Variants in MMP24 observed in about 807,000 individuals in gnomAD.
The protein encoded by MMP24 is matrix metalloproteinase-24.
In MMP24, 25 loss-of-function variants were observed where a neutral mutation model predicts 62.8. The observed-to-expected ratio is 0.40, with a 90% CI of 0.29 to 0.56. The LOEUF (loss-of-function observed/expected upper bound fraction) is 0.56, where lower values mean the gene tolerates loss of function less well. Among genes scored for constraint, MMP24 ranks in the 20% least tolerant of loss-of-function variants. The probability of loss-of-function intolerance (pLI) is 0.50; values close to 1 mark genes in which losing one functional copy is unlikely to be tolerated. For missense variants in MMP24, 634 were observed against 853.6 expected, an observed-to-expected ratio of 0.74 and a Z score of 3.21; for synonymous variants, 319 against 350.5, an observed-to-expected ratio of 0.91 and a Z score of 1.00.
intron 2 of MMP24, among the ~76,000 whole-genome samples, chr20:35,247,778 G>T (rs1229448111): frequency 2.0e-5 from 3 of 152,238 alleles, no homozygotes; most frequent in African/African-American, 7.2e-5. Context: ...GCTGAAAGTT[G>T]TCTGCTGGGT....
At chr20:35,246,432 G>T (rs920110230) in intron 1 of MMP24, among the ~76,000 whole-genome samples, 1 of 152,184 alleles carries the variant, frequency 6.6e-6, no homozygotes, top group Admixed American at 6.5e-5. Flanking sequence ...AGCTGAGATT[G>T]TGTCACTGCA....
At chr20:35,247,661 C>T (rs866641249) in intron 2 of MMP24, among the ~76,000 whole-genome samples, 6 of 152,274 alleles carry the variant, frequency 3.9e-5, no homozygotes, top group South Asian at 2.1e-4. Context: ...AAGGGGCAGC[C>T]GGAGGGCAAG....
At chr20:35,244,120 C>T (rs1453254919) in intron 1 of MMP24, among the ~76,000 whole-genome samples, 1 of 152,152 alleles carries the variant, frequency 6.6e-6, no homozygotes, top group Non-Finnish European at 1.5e-5. Flanking sequence ...AAAACTGTTT[C>T]ATTTGACTTA....
intron 1 of MMP24, 79 bp downstream of exon 1, chr20:35,227,063 G>T: frequency 1.0e-6 from 1 of 965,336 alleles, no homozygotes; most frequent in Non-Finnish European, 1.2e-6. Flanking sequence ...GACGGGCCTG[G>T]GCCGGGCCGC....
intron 2 of MMP24, among the ~76,000 whole-genome samples, chr20:35,247,303 A>G (rs945576037): frequency 1.7e-4 from 26 of 152,120 alleles, no homozygotes; most frequent in African/African-American, 4.6e-4. Context: ...TAATTTATCT[A>G]TGGGTCACCC....
Position 35,274,156 on chromosome 20 carries a change from C to T in MMP24, c.1601-116C>T. 1 of 1,030,430 alleles carries T rather than the reference C, an allele frequency of 9.7e-7. No individual in the cohort carries two copies. Among genetic ancestry groups the T allele is most frequent in the Non-Finnish European group, 1.4e-6 (1 of 705,478 alleles). 63.8% of individuals were successfully genotyped at this position (1,030,430 alleles called of 1,614,324 possible). On this transcript the variant is annotated intron_variant, in intron 8 of 8. Coordinates refer to ENST00000246186, the MANE Select transcript of MMP24 (RefSeq NM_006690.4). This position sits in a 1 kb window ranked among gnomAD's most constrained non-coding sequence, Gnocchi z 5.1. The stretch of plus-strand genomic sequence containing the variant: ...CAGCCAAGCACTGCACCCCAAACCT[C>T]CAGGTGTGCCCACCTTGCCTCCCTT...
intron 1 of MMP24, among the ~76,000 whole-genome samples, chr20:35,245,818 A>T (rs1180751197): frequency 1.3e-5 from 2 of 152,056 alleles, no homozygotes; most frequent in East Asian, 3.8e-4. Flanking sequence ...CAAAAAAAAA[A>T]AAAAAAGAAT....
rs2060708591 is a variant in MMP24, at chr20:35,276,579, C to T, written c.*1970C>T. On this transcript the variant is annotated 3_prime_UTR_variant, in exon 9 of 9. Coordinates refer to ENST00000246186, the MANE Select transcript of MMP24 (RefSeq NM_006690.4). ...GAAGTGTCTCCTGTATCCACCTCTT[C>T]CTGGCCTCCCTTCCCCCACTTCCTG... The T allele has an allele frequency of 9.8e-6, 3 of 306,984 alleles. No individual in the cohort carries two copies. Among genetic ancestry groups the T allele is most frequent in the East Asian group, 5.1e-5 (1 of 19,760 alleles). 19.0% of individuals were successfully genotyped at this position (306,984 alleles called of 1,614,324 possible).
chr20:35,267,560 A>T (rs2146237708), intron 6 of MMP24, 141 bp downstream of exon 6: 1 of 859,720 alleles, frequency 1.2e-6, no homozygotes, highest in Admixed American at 2.7e-5. Flanking sequence ...TGGCCAGGGC[A>T]TGGGGTCTCT....
chr20:35,256,547 C>T (rs1317158867), intron 4 of MMP24: 1 of 151,962 alleles, frequency 6.6e-6, no homozygotes, highest in Non-Finnish European at 1.5e-5. Context: ...TGGTGAAACC[C>T]ATCTCTACGA....
intron 5 of MMP24, among the ~76,000 whole-genome samples, chr20:35,266,590 G>A (rs1312601950): frequency 6.6e-6 from 1 of 152,108 alleles, no homozygotes; most frequent in Non-Finnish European, 1.5e-5. Flanking sequence ...CATGAGGCAG[G>A]AGGACAACCA....
intron 1 of MMP24, among the ~76,000 whole-genome samples, chr20:35,239,192 G>GT (rs2060477076): frequency 6.6e-6 from 1 of 151,750 alleles, no homozygotes; most frequent in Non-Finnish European, 1.5e-5. Flanking sequence ...GATTACAGGC[G>GT]CACGCCCGGC....
chr20:35,230,050 G>A (rs933248785), intron 1 of MMP24, among the ~76,000 whole-genome samples: 1 of 151,836 alleles, frequency 6.6e-6, no homozygotes, highest in African/African-American at 2.4e-5. Flanking sequence ...AGTGCAGTGG[G>A]GTGATCTCGG....
intron 4 of MMP24, among the ~76,000 whole-genome samples, chr20:35,262,411 T>G (rs1469733394): frequency 6.6e-6 from 1 of 151,618 alleles, no homozygotes. Context: ...TCATAGAGAA[T>G]GTAAAGGATT....
At chr20:35,252,862 G>A (rs2060554566) in intron 3 of MMP24, among the ~76,000 whole-genome samples, 1 of 146,528 alleles carries the variant, frequency 6.8e-6, no homozygotes, top group Non-Finnish European at 1.5e-5. Flanking sequence ...GGCAGGCTCA[G>A]GTGGGGCTGG....
rs947491231 is a variant in MMP24, at chr20:35,254,634, T to G, written c.697T>G (p.Ser233Ala). ...FFASGFHGDS[S>A]PFDGEGGFLA... The stretch of plus-strand genomic sequence containing the variant: ...TGCTTCTGGTTTCCATGGCGACAGC[T>G]CCCCATTTGATGGAGAAGGGGGATT... The change falls in exon 4 of 9, where the codon TCC (serine) becomes GCC (alanine). Residue 233 changes from serine to alanine, a missense_variant. Physicochemically the swap from Ser to Ala is moderately conservative, Grantham distance 99. This residue lies in a region of MMP24 where 23 missense variants were observed against 63.1 expected (regional missense o/e 0.36). Coordinates refer to ENST00000246186, the MANE Select transcript of MMP24 (RefSeq NM_006690.4). The G allele has an allele frequency of 6.2e-7, 1 of 1,614,062 alleles. No individual in the cohort carries two copies. The highest frequency in any genetic ancestry group is 1.3e-5 in the African/African-American group (1 of 74,918).
At position 35,263,795 on chromosome 20, in the gene MMP24, C is replaced by T. The variant is rs201850633; in HGVS notation, c.822C>T (p.Asn274=). 1.7e-5 allele frequency: 27 copies of T among 1,562,594 alleles called. No individual in the cohort carries two copies. The highest frequency in any genetic ancestry group is 3.9e-5 in the Admixed American group (2 of 51,870). ...WTLGNANHDG[N]DLFLVAVHEL... The stretch of plus-strand genomic sequence containing the variant: ...TCCCCACACTCCTCTCCACAGGGAA[C>T]GACCTCTTCCTGGTGGCTGTGCATG... Residue 274 remains asparagine, a synonymous_variant, in exon 5 of 9, where the codon AAC becomes AAT. Transcript: ENST00000246186.
chr20:35,253,577 C>T (rs1174126139), intron 3 of MMP24, among the ~76,000 whole-genome samples: 2 of 152,042 alleles, frequency 1.3e-5, no homozygotes, highest in African/African-American at 4.8e-5. Flanking sequence ...ATCCATGCCC[C>T]AGAGGGTCAC....
At chr20:35,257,691 G>A (rs568068201) in intron 4 of MMP24, among the ~76,000 whole-genome samples, 2 of 152,268 alleles carry the variant, frequency 1.3e-5, no homozygotes, top group East Asian at 3.9e-4. Context: ...GGGAAGGACC[G>A]GGGACCTGTG....
Sources: gnomAD v4.1 joint callset for allele counts (sites outside exome capture counted in the v4.1 genomes callset) on GRCh38, gnomAD v4.1.1 for gene constraint, gnomAD v4.1.1 regional missense constraint, Gnocchi (gnomAD v3.1) non-coding constraint, MANE v1.5 for transcripts, NCBI Gene and HGNC (gene_info 2026-07-23, HGNC 2026-07-21) for gene names.